The following TACR3 variants were observed in gnomAD, a reference collection of about 807,000 sequenced individuals.
TACR3 encodes the protein tachykinin receptor 3, also known as neuromedin-K receptor.
TACR3 carries 34 observed loss-of-function variants against 35.0 expected under a neutral mutation model. The observed-to-expected ratio is 0.97, with a 90% CI of 0.74 to 1.30. TACR3 has a LOEUF of 1.30. TACR3 is among the 50% of genes most tolerant of loss of function. The pLI is 0.00. For missense variants in TACR3, 558 were observed against 591.7 expected, an observed-to-expected ratio of 0.94 and a Z score of 0.59; for synonymous variants, 233 against 221.1, an observed-to-expected ratio of 1.05 and a Z score of -0.48.
intron 1 of TACR3, among the ~76,000 whole-genome samples, chr4:103,679,948 G>A (rs769056360): frequency 6.6e-6 from 1 of 151,742 alleles, no homozygotes; most frequent in South Asian, 2.1e-4. Context: ...AGTTTGGTGT[G>A]ATAAACCCTT....
At chr4:103,667,100 A>C (rs768005478) in intron 1 of TACR3, among the ~76,000 whole-genome samples, 1 of 152,120 alleles carries the variant, frequency 6.6e-6, no homozygotes, top group Non-Finnish European at 1.5e-5. Context: ...TCTACTAAAA[A>C]TACAAAAATT....
chr4:103,673,531 C>T (rs1000311103), intron 1 of TACR3, among the ~76,000 whole-genome samples: 1 of 152,020 alleles, frequency 6.6e-6, no homozygotes, highest in Non-Finnish European at 1.5e-5. Flanking sequence ...GGGCATGGTT[C>T]GTGAAGCTCC....
chr4:103,591,122 C>G (rs186962946), intron 4 of TACR3: 3 of 271,242 alleles, frequency 1.1e-5, no homozygotes, highest in African/African-American at 6.8e-5. Context: ...TCAAGAATTT[C>G]TAGGAAGTAA....
chr4:103,612,917 T>A (rs1229442409), intron 3 of TACR3, among the ~76,000 whole-genome samples: 1 of 152,162 alleles, frequency 6.6e-6, no homozygotes, highest in East Asian at 1.9e-4. Context: ...TATAAATAGA[T>A]GAATGGTACA....
At chr4:103,632,928 T>C (rs1725099435) in intron 3 of TACR3, among the ~76,000 whole-genome samples, 2 of 152,070 alleles carry the variant, frequency 1.3e-5, no homozygotes, top group South Asian at 2.1e-4. Context: ...AGGGATATAA[T>C]TTATAGAAGG....
chr4:103,697,280 A>T (rs145574269), intron 1 of TACR3, among the ~76,000 whole-genome samples: 1 of 152,292 alleles, frequency 6.6e-6, no homozygotes, highest in East Asian at 1.9e-4. Context: ...TAGACTGAAA[A>T]GCTAGCAGCT....
intron 3 of TACR3, among the ~76,000 whole-genome samples, chr4:103,609,154 T>C (rs1724454739): frequency 6.6e-6 from 1 of 152,130 alleles, no homozygotes; most frequent in African/African-American, 2.4e-5. Context: ...AGCACAGGCT[T>C]CATTATGCTG....
rs748064766 is a variant in TACR3, at chr4:103,658,341, A to G, written c.611T>C (p.Ile204Thr). 7 of 1,613,930 alleles carry G rather than the reference A, an allele frequency of 4.3e-6. No individual in the cohort carries two copies. Among genetic ancestry groups the G allele is most frequent in the African/African-American group, 2.7e-5 (2 of 75,030 alleles). Residue 204 changes from isoleucine (I) to threonine (T), a missense_variant, in exon 2 of 5, where the codon ATT becomes ACT. Coordinates refer to ENST00000304883, the MANE Select transcript of TACR3 (RefSeq NM_001059.3). ...RLSATATKIV[I>T]GSIWILAFLL... Reference sequence around the variant, plus strand: ...AAATGCTAGAATCCAAATACTTCCAATGACAATCTTGGTTGCTGTAGCAGA... The same window carrying G: ...AAATGCTAGAATCCAAATACTTCCAGTGACAATCTTGGTTGCTGTAGCAGA...
intron 1 of TACR3, among the ~76,000 whole-genome samples, chr4:103,708,160 T>A (rs1722842491): frequency 6.6e-6 from 1 of 152,184 alleles, no homozygotes; most frequent in Non-Finnish European, 1.5e-5. Context: ...GTAGTGGTTC[T>A]CCCAGCAGGG....
intron 1 of TACR3, among the ~76,000 whole-genome samples, chr4:103,711,395 A>G (rs1342526033): frequency 6.6e-6 from 1 of 152,194 alleles, no homozygotes; most frequent in African/African-American, 2.4e-5. Flanking sequence ...CAAAAAGCAC[A>G]TGGGTTATCT....
At position 103,588,635 on chromosome 4, in the gene TACR3, T is replaced by G. The variant is rs909139779; in HGVS notation, c.*1047A>C. ...ACATGTATCCAAACTATTGTGCAGA[T>G]TCGTTTTCTAAGAGGTAATTCACTT... On this transcript the variant is annotated 3_prime_UTR_variant, in exon 5 of 5. Coordinates refer to ENST00000304883, the MANE Select transcript of TACR3 (RefSeq NM_001059.3). 1 of 152,150 alleles carries G rather than the reference T, an allele frequency of 6.6e-6. No individual in the cohort carries two copies. Among genetic ancestry groups the G allele is most frequent in the African/African-American group, 2.4e-5 (1 of 41,454 alleles). The allele number at this position is 152,150 out of a possible 1,614,324, so 9.4% of individuals were successfully genotyped here.
chr4:103,658,312 G>A lies in TACR3; in HGVS notation c.640C>T (p.Leu214Phe), dbSNP rs1402088713. 6.2e-7 allele frequency: 1 copy of A among 1,613,838 alleles called. No homozygotes were observed. The highest frequency in any genetic ancestry group is 1.7e-5 in the Admixed American group (1 of 59,948). The change falls in exon 2 of 5, where the codon CTT becomes TTT. Residue 214 changes from leucine to phenylalanine, a missense_variant. Coordinates refer to ENST00000304883, the MANE Select transcript of TACR3 (RefSeq NM_001059.3). ...IGSIWILAFL[L>F]AFPQCLYSKT... The stretch of plus-strand genomic sequence containing the variant: ...GAATAAAGACACTGAGGGAAGGCAA[G>A]TAGAAATGCTAGAATCCAAATACTT...
At chr4:103,707,340 G>A (rs1722818315) in intron 1 of TACR3, among the ~76,000 whole-genome samples, 1 of 152,138 alleles carries the variant, frequency 6.6e-6, no homozygotes, top group Admixed American at 6.5e-5. Context: ...AATTAAGACT[G>A]TTTGACCCCA....
intron 3 of TACR3, among the ~76,000 whole-genome samples, chr4:103,606,173 C>A (rs1199682275): frequency 6.6e-6 from 1 of 151,552 alleles, no homozygotes; most frequent in Admixed American, 6.6e-5. Context: ...TGTTCTGTTC[C>A]ATTGGTCTAT....
intron 3 of TACR3, among the ~76,000 whole-genome samples, chr4:103,597,571 A>G (rs905942172): frequency 1.3e-5 from 2 of 152,092 alleles, no homozygotes; most frequent in African/African-American, 4.8e-5. Context: ...CGTCATTTAC[A>G]TTAGGTACAT....
Position 103,642,042 on chromosome 4 carries a change from A to G in TACR3, c.888+14152T>C, listed in dbSNP as rs952399132. Among the ~76,000 whole-genome samples, 86 of 151,912 alleles carry G rather than the reference A, an allele frequency of 5.7e-4. 1 individual carries two copies. The highest frequency in any genetic ancestry group is 1.4e-3 in the Admixed American group (22 of 15,192). On this transcript the variant is annotated intron_variant, in intron 3 of 4. Transcript: ENST00000304883. ...AGACAGGTGATACTATAAGTTTTCAAGGTCTACTGAACAGCATGATGACTA... is the reference window on the plus strand; with the variant it reads ...AGACAGGTGATACTATAAGTTTTCAGGGTCTACTGAACAGCATGATGACTA...
chr4:103,636,070 A>T (rs1425991924), intron 3 of TACR3, among the ~76,000 whole-genome samples: 1 of 152,000 alleles, frequency 6.6e-6, no homozygotes, highest in Non-Finnish European at 1.5e-5. Context: ...AGCTAAATTT[A>T]TGTAGGTTTA....
chr4:103,634,249 A>G (rs1256639813), intron 3 of TACR3, among the ~76,000 whole-genome samples: 1 of 152,144 alleles, frequency 6.6e-6, no homozygotes, highest in South Asian at 2.1e-4. Flanking sequence ...CATTGCTTAA[A>G]AATCTTTCTT....
At chr4:103,657,634 C>G (rs894763398) in intron 2 of TACR3, among the ~76,000 whole-genome samples, 5 of 151,970 alleles carry the variant, frequency 3.3e-5, no homozygotes, top group Non-Finnish European at 7.4e-5. Context: ...CAATAAATTA[C>G]ACAATTACAT....
Sources: gnomAD v4.1 joint callset for allele counts (sites outside exome capture counted in the v4.1 genomes callset) on GRCh38, gnomAD v4.1.1 for gene constraint, MANE v1.5 for transcripts, NCBI Gene and HGNC (gene_info 2026-07-23, HGNC 2026-07-21) for gene names.